Variants in MYBL1 observed in about 807,000 individuals in gnomAD.
The protein encoded by MYBL1 is myb-related protein A.
MYBL1 carries 17 observed loss-of-function variants against 96.3 expected under a neutral mutation model. That is an observed-to-expected ratio of 0.18 (90% CI 0.12 to 0.26). The LOEUF (loss-of-function observed/expected upper bound fraction) is 0.26. Among genes scored for constraint, MYBL1 ranks in the 10% least tolerant of loss-of-function variants. The pLI, the probability that MYBL1 is intolerant of heterozygous loss-of-function variation, is 1.00. For missense variants in MYBL1, 701 were observed against 882.9 expected (o/e 0.79, Z 2.61); for synonymous variants, 282 against 292.7 (o/e 0.96, Z 0.37).
chr8:66,569,665 C>A (rs967524859), intron 12 of MYBL1, among the ~76,000 whole-genome samples: 1 of 152,078 alleles, frequency 6.6e-6, no homozygotes, highest in African/African-American at 2.4e-5. Context: ...TTTTCTTGAT[C>A]TAGTCTAGTA....
rs773502075 is a variant in MYBL1, at chr8:66,595,684, C to T, written c.586G>A (p.Asp196Asn). 1.3e-6 allele frequency: 2 copies of T among 1,583,358 alleles called. No individual in the cohort carries two copies. Among genetic ancestry groups the T allele is most frequent in the African/African-American group, 2.7e-5 (2 of 74,398 alleles). The change falls in exon 6 of 16, where the codon GAT becomes AAT. Residue 196 changes from aspartate to asparagine, a missense_variant. Around this residue, in one of 5 missense-constraint regions of MYBL1, gnomAD observed 396 missense variants for 407.4 expected, o/e 0.97. Transcript: ENST00000522677. ...GAAGATCGTTCTGATTTTATTCCAT[C>T]TTGTAAATAGCCCTCCTGTTCCACT... ...RKVEQEGYLQ[D>N]GIKSERSSSK...
Position 66,564,748 on chromosome 8 carries a change from A to G in MYBL1, c.2208T>C (p.Tyr736=), listed in dbSNP as rs771001157. 30 of 1,586,312 alleles carry G rather than the reference A, an allele frequency of 1.9e-5. No individual in the cohort carries two copies. Among genetic ancestry groups the G allele is most frequent in the Non-Finnish European group, 2.3e-5 (27 of 1,163,088 alleles). Residue 736 remains tyrosine, a synonymous_variant, in exon 16 of 16, where the codon TAT becomes TAC. Coordinates refer to ENST00000522677, the MANE Select transcript of MYBL1 (RefSeq NM_001080416.4). ...QLIMTEQARR[Y]LSTYTATSST... is the part of the protein sequence containing the mutation. ...TACTGGTAGCTGTGTAAGTACTCAG[A>G]TATCTTCTTGCTTGTTCAGTCATAA...
chr8:66,599,560 G>A (rs1428638133), intron 3 of MYBL1, among the ~76,000 whole-genome samples: 1 of 152,124 alleles, frequency 6.6e-6, no homozygotes, highest in Non-Finnish European at 1.5e-5. Flanking sequence ...CAACACTTTC[G>A]GAGGCCGAGG....
chr8:66,593,196 TA>T lies in MYBL1; in HGVS notation c.688-3del. On this transcript the variant is annotated splice_polypyrimidine_tract_variant and splice_region_variant and intron_variant, in intron 6 of 15. Transcript: ENST00000522677. ...TGACACATACTGATACCCAGGGATC[TA>T]AAAAGTAATTAATGCATTATTATCA... 1.9e-6 allele frequency: 3 copies of T among 1,551,860 alleles called. No homozygotes were observed. Among genetic ancestry groups the T allele is most frequent in the Non-Finnish European group, 2.6e-6 (3 of 1,135,630 alleles).
chr8:66,593,260 A>G, intron 6 of MYBL1, 66 bp from the exon 7 acceptor site: 2 of 1,100,438 alleles, frequency 1.8e-6, no homozygotes, highest in African/African-American at 3.2e-5. Flanking sequence ...TCTGAAGCAA[A>G]TGACAAAAAC....
chr8:66,572,918 T>TA (rs1287577531), intron 11 of MYBL1, among the ~76,000 whole-genome samples: 1 of 150,404 alleles, frequency 6.6e-6, no homozygotes, highest in African/African-American at 2.4e-5. Flanking sequence ...GGTTATGATT[T>TA]AAAAAAAAAA....
chr8:66,612,888 C>T lies in MYBL1; in HGVS notation c.-50G>A. 18 of 1,333,802 alleles carry T rather than the reference C, an allele frequency of 1.3e-5. No individual in the cohort carries two copies. The highest frequency in any genetic ancestry group is 1.7e-5 in the Non-Finnish European group (18 of 1,032,054). 82.6% of individuals were successfully genotyped at this position (1,333,802 alleles called of 1,614,324 possible). On this transcript the variant is annotated 5_prime_UTR_variant, in exon 1 of 16. Transcript: ENST00000522677. ...GCTGGGCGGGGACGCGGGTCAGCCT[C>T]CTCCAGCCTCCGGCGAATGCTCCTT... is the stretch of plus-strand genomic sequence containing the variant.
chr8:66,604,623 A>G (rs1402773966), intron 1 of MYBL1, among the ~76,000 whole-genome samples: 1 of 152,198 alleles, frequency 6.6e-6, no homozygotes, highest in African/African-American at 2.4e-5. Context: ...ACAGAAAAGA[A>G]GTCTACTTTT....
chr8:66,610,603 T>C (rs1250490215), intron 1 of MYBL1, among the ~76,000 whole-genome samples: 1 of 152,128 alleles, frequency 6.6e-6, no homozygotes, highest in African/African-American at 2.4e-5. Context: ...TTCAAATATA[T>C]TAAGATACTT....
In MYBL1 at chr8:66,592,542, T is replaced by A; in HGVS notation, c.765A>T (p.Gln255His). 1 of 1,566,434 alleles carries A rather than the reference T, an allele frequency of 6.4e-7. No individual in the cohort carries two copies. Among genetic ancestry groups the A allele is most frequent in the Non-Finnish European group, 8.6e-7 (1 of 1,157,026 alleles). Residue 255 changes from glutamine to histidine, a missense_variant and splice_region_variant, in exon 8 of 16, where the codon CAA (glutamine) becomes CAT (histidine). Around this residue, in one of 5 missense-constraint regions of MYBL1, gnomAD observed 396 missense variants for 407.4 expected, o/e 0.97. Transcript: ENST00000522677. ...HVQPTSAFIQ[Q>H]PFIDEDPDKE... is the part of the protein sequence containing the mutation. ...TATCAGGATCTTCATCAATGAAGGG[T>A]TGCTAAAATAAGTTAAATAAAAGAG...
chr8:66,594,667 A>T (rs1266026959), intron 6 of MYBL1, among the ~76,000 whole-genome samples: 2 of 152,180 alleles, frequency 1.3e-5, no homozygotes, highest in Non-Finnish European at 1.5e-5. Flanking sequence ...GAAACATAAT[A>T]AAAACCTTAA....
At chr8:66,603,099 G>A (rs1810172295) in intron 1 of MYBL1, among the ~76,000 whole-genome samples, 1 of 151,896 alleles carries the variant, frequency 6.6e-6, no homozygotes, top group Non-Finnish European at 1.5e-5. Flanking sequence ...TGCCACTACG[G>A]GAAAAATCAT....
At chr8:66,592,690 C>T in intron 7 of MYBL1, 146 bp from the exon 8 acceptor site, 2 of 521,666 alleles carry the variant, frequency 3.8e-6, no homozygotes, top group East Asian at 3.3e-5. Context: ...TACTCATTAT[C>T]ACAATCCCTC....
In MYBL1 at chr8:66,601,787, A is replaced by C; in HGVS notation, c.127-18T>G. ...TTATCATCCTATTAAAACAGTACAA[A>C]AATTAGAAAGCTTTCCCCCCGTCCT... On this transcript the variant is annotated intron_variant, in intron 2 of 15. Transcript: ENST00000522677. 1 of 1,381,784 alleles carries C rather than the reference A, an allele frequency of 7.2e-7. No individual in the cohort carries two copies. Among genetic ancestry groups the C allele is most frequent in the Non-Finnish European group, 9.9e-7 (1 of 1,005,158 alleles). The allele number at this position is 1,381,784 out of a possible 1,614,324, so 85.6% of individuals were successfully genotyped here.
intron 12 of MYBL1, 24 bp from the exon 13 acceptor site, chr8:66,567,016 T>C (rs1055341133): frequency 1.3e-6 from 2 of 1,516,398 alleles, no homozygotes; most frequent in Non-Finnish European, 1.8e-6. Context: ...TAAAATGTTG[T>C]AAAAAGTCAT....
intron 1 of MYBL1, among the ~76,000 whole-genome samples, chr8:66,608,221 G>A (rs927232098): frequency 1.3e-5 from 2 of 152,056 alleles, no homozygotes; most frequent in African/African-American, 4.8e-5. Flanking sequence ...ACTTTATTGT[G>A]AGAAATTTCT....
chr8:66,574,175 T>C (rs1808844884), intron 10 of MYBL1, among the ~76,000 whole-genome samples: 1 of 152,206 alleles, frequency 6.6e-6, no homozygotes. Context: ...TACTTATAAC[T>C]AGAATGAAGT....
At chr8:66,598,230 A>G (rs2129981357) in intron 4 of MYBL1, among the ~76,000 whole-genome samples, 1 of 152,320 alleles carries the variant, frequency 6.6e-6, no homozygotes. Context: ...ACTTAGGAGT[A>G]GCCATCAAGT....
rs533819885 is a variant in MYBL1, at chr8:66,585,590, A to G, written c.868-5224T>C. ...ACCTCGTCTCTCCTAAAAATACCAA[A>G]AAATTAGCTGGGCGTGGTGGCAGGC... On this transcript the variant is annotated intron_variant, in intron 8 of 15. Transcript: ENST00000522677. Among the ~76,000 whole-genome samples the G allele has an allele frequency of 7.2e-5, 11 of 152,242 alleles. No individual in the cohort carries two copies. In the East Asian group the frequency reaches 2.1e-3, roughly 29 times the overall value.
Sources: gnomAD v4.1 joint callset for allele counts (sites outside exome capture counted in the v4.1 genomes callset) on GRCh38, gnomAD v4.1.1 for gene constraint, gnomAD v4.1.1 regional missense constraint, MANE v1.5 for transcripts, NCBI Gene and HGNC (gene_info 2026-07-23, HGNC 2026-07-21) for gene names.